The following UTY variants were observed in gnomAD, a reference collection of about 807,000 sequenced individuals.
UTY encodes the protein ubiquitously transcribed tetratricopeptide repeat containing, Y-linked, also known as histone demethylase UTY.
In UTY, 12 loss-of-function variants were observed where a neutral mutation model predicts 32.5. The ratio of observed to expected loss-of-function variants is 0.37; its 90% CI spans 0.24 to 0.60. The LOEUF (loss-of-function observed/expected upper bound fraction) is 0.60. Among genes scored for constraint, UTY ranks in the 20% least tolerant of loss-of-function variants. The probability of loss-of-function intolerance (pLI) is 0.69; values close to 1 mark genes in which losing one functional copy is unlikely to be tolerated. For synonymous variants in UTY, 131 were observed against 103.4 expected (o/e 1.27, Z -1.62); for missense variants, 303 against 299.2 (o/e 1.01, Z -0.09).
intron 17 of UTY, among the ~76,000 whole-genome samples, chrY:13,349,167 T>C: frequency 3.1e-5 from 1 of 32,776 alleles, no homozygotes; most frequent in Non-Finnish European, 7.4e-5. Context: ...AAAGTAAACA[T>C]TCTGAAATGT....
intron 4 of UTY, among the ~76,000 whole-genome samples, chrY:13,419,897 TTTA>T (rs2072308732): frequency 1.8e-4 from 6 of 34,241 alleles, no homozygotes; most frequent in Admixed American, 1.6e-3. Context: ...TCTCATTTAA[TTTA>T]CTGAATATTG....
chrY:13,281,652 A>C, intron 27 of UTY, among the ~76,000 whole-genome samples: 1 of 33,511 alleles, frequency 3.0e-5, no homozygotes, highest in African/African-American at 1.2e-4. Context: ...AGAACAAAGA[A>C]AGTCATTATA....
Position 13,299,099 on chromosome Y carries a change from T to C in UTY, c.3726A>G (p.Glu1242=). The change falls in exon 26 of 30, where the codon GAA becomes GAG. Residue 1242 remains glutamate, a synonymous_variant. Transcript: ENST00000545955. ...FLMSSWWPNL[E]DLYEANVPVY... is the part of the protein sequence containing the mutation. ...CAGGGACATTTGCTTCATAAAGATC[T>C]TCAAGGTTGGGCCACCAAGAACTCA... The C allele has an allele frequency of 5.2e-6, 2 of 387,488 alleles. No individual in the cohort carries two copies. Among genetic ancestry groups the C allele is most frequent in the African/African-American group, 1.3e-4 (2 of 15,679 alleles).
intron 21 of UTY, among the ~76,000 whole-genome samples, chrY:13,311,112 A>C: frequency 3.1e-5 from 1 of 32,197 alleles, no homozygotes; most frequent in Admixed American, 2.8e-4. Flanking sequence ...ATTAATCTTA[A>C]GGAAGTTCAA....
chrY:13,305,545 C>T lies in UTY; in HGVS notation c.3419G>A (p.Trp1140Ter). 1 of 383,311 alleles carries T rather than the reference C, an allele frequency of 2.6e-6. No homozygotes were observed. Among genetic ancestry groups the T allele is most frequent in the Admixed American group, 8.5e-5 (1 of 11,728 alleles). The change falls in exon 24 of 30, where the codon TGG becomes TAG. Residue 1140 changes from tryptophan (W) to a stop codon, truncating the protein, a stop_gained and splice_region_variant. Transcript: ENST00000545955. LOFTEE classifies it high-confidence loss of function. Reference sequence around the variant, plus strand: ...AGTCAGTTCATGTAACTGCAACTTCCACCTGCAATAAATTAACAGATTAAG... The same window carrying T: ...AGTCAGTTCATGTAACTGCAACTTCTACCTGCAATAAATTAACAGATTAAG... Reference protein sequence around the residue: ...TNIDLSDNKKWKLQLHELTKL... With the variant: ...TNIDLSDNKK
At chrY:13,321,046 T>C (rs2059783501) in intron 21 of UTY, among the ~76,000 whole-genome samples, 1 of 33,023 alleles carries the variant, frequency 3.0e-5, no homozygotes, top group South Asian at 6.8e-4. Flanking sequence ...ATAGCACAAA[T>C]GCAAGGCTGG....
chrY:13,452,416 C>CA (rs1418453691), intron 3 of UTY, among the ~76,000 whole-genome samples: 319 of 31,245 alleles, frequency 0.01, no homozygotes, highest in Non-Finnish European at 0.02. Context: ...TTCACCATAT[C>CA]AAAAAAAAGA....
rs754596128 is a variant in UTY, at chrY:13,359,847, T to C, written c.1105A>G (p.Ile369Val). 6 of 398,642 alleles carry C rather than the reference T, an allele frequency of 1.5e-5. No individual in the cohort carries two copies. The Admixed American group carries it at 3.7e-4, about 25-fold the overall frequency. The change falls in exon 12 of 30, where the codon ATT becomes GTT. Residue 369 changes from isoleucine (I) to valine (V), a missense_variant. Transcript: ENST00000545955. ...YESCNQPQDA[I>V]KCYLNAARSK... ...CTAGCTGCATTTAGGTAGCATTTAATGGCATCTTGAGGTTGATTGCAGGAT... is the reference window on the plus strand; with the variant it reads ...CTAGCTGCATTTAGGTAGCATTTAACGGCATCTTGAGGTTGATTGCAGGAT...
downstream of UTY, among the ~76,000 whole-genome samples, chrY:13,246,151 G>A (rs2053945521): frequency 3.1e-5 from 1 of 32,379 alleles, no homozygotes; most frequent in South Asian, 7.0e-4. Flanking sequence ...AAGGGATTTC[G>A]CTATGTTGGC....
intron 4 of UTY, among the ~76,000 whole-genome samples, chrY:13,429,698 T>C (rs745310147): frequency 6.1e-5 from 2 of 32,775 alleles, no homozygotes; most frequent in East Asian, 1.6e-3. Context: ...CTCATTCTGA[T>C]TGCCTGCACC....
chrY:13,297,239 G>C, intron 27 of UTY, among the ~76,000 whole-genome samples: 1 of 33,595 alleles, frequency 3.0e-5, no homozygotes, highest in Non-Finnish European at 7.4e-5. Context: ...GAGAAGCAAA[G>C]AGAGGTGCCA....
chrY:13,267,927 C>G, intron 27 of UTY, among the ~76,000 whole-genome samples: 1 of 32,902 alleles, frequency 3.0e-5, no homozygotes, highest in Non-Finnish European at 7.5e-5. Flanking sequence ...TGTGGGTAAC[C>G]TGACCATTCT....
chrY:13,368,498 GC>G (rs2064525356), intron 9 of UTY, among the ~76,000 whole-genome samples: 3 of 31,806 alleles, frequency 9.4e-5, no homozygotes, highest in Non-Finnish European at 2.3e-4. Context: ...TCCTGCCTCA[GC>G]CCCCCATGTA....
intron 2 of UTY, among the ~76,000 whole-genome samples, chrY:13,476,775 T>C: frequency 6.3e-5 from 2 of 31,926 alleles, no homozygotes; most frequent in South Asian, 1.3e-3. Flanking sequence ...TACAGAATTT[T>C]AAGGAAATCT....
At chrY:13,405,204 A>G in intron 6 of UTY, among the ~76,000 whole-genome samples, 1 of 33,178 alleles carries the variant, frequency 3.0e-5, no homozygotes, top group Non-Finnish European at 7.5e-5. Flanking sequence ...GGTACTGTGT[A>G]TATCATTTCG....
chrY:13,237,428 C>T (rs2148317069), intron 28 of UTY, among the ~76,000 whole-genome samples: 2 of 33,643 alleles, frequency 5.9e-5, no homozygotes, highest in South Asian at 1.3e-3. Context: ...TTAGGTGAGG[C>T]AGCCTGCTTG....
chrY:13,296,403 A>T, intron 27 of UTY, among the ~76,000 whole-genome samples: 1 of 33,602 alleles, frequency 3.0e-5, no homozygotes, highest in Non-Finnish European at 7.4e-5. Context: ...CTTGAAGATT[A>T]GCACCTGGCT....
chrY:13,294,823 C>T, intron 27 of UTY, among the ~76,000 whole-genome samples: 3 of 33,120 alleles, frequency 9.1e-5, no homozygotes, highest in African/African-American at 3.6e-4. Context: ...TTTGGGAGGC[C>T]GAGGCAGGTG....
chrY:13,401,805 G>A (rs2069162069), intron 6 of UTY, among the ~76,000 whole-genome samples: 1 of 32,747 alleles, frequency 3.1e-5, no homozygotes, highest in African/African-American at 1.2e-4. Context: ...GAACCCAGGA[G>A]GCAAGGGTTG....
Sources: gnomAD v4.1 joint callset for allele counts (sites outside exome capture counted in the v4.1 genomes callset) on GRCh38, gnomAD v4.1.1 for gene constraint, MANE v1.5 for transcripts, NCBI Gene and HGNC (gene_info 2026-07-23, HGNC 2026-07-21) for gene names.